MARCHF1: variants seen among roughly 807,000 people sequenced by gnomAD.
MARCHF1 encodes the protein E3 ubiquitin-protein ligase MARCHF1.
MARCHF1 carries 40 observed loss-of-function variants against 54.2 expected under a neutral mutation model. The observed-to-expected ratio is 0.74, with a 90% CI of 0.57 to 0.96. The LOEUF (loss-of-function observed/expected upper bound fraction) is 0.96. Among genes scored for constraint, MARCHF1 ranks in the 40% least tolerant of loss-of-function variants. The pLI, the probability that MARCHF1 is intolerant of heterozygous loss-of-function variation, is 0.00. For missense variants in MARCHF1, 586 were observed against 656.5 expected, an observed-to-expected ratio of 0.89 and a Z score of 1.17; for synonymous variants, 236 against 236.3, an observed-to-expected ratio of 1.00 and a Z score of 0.01.
At chr4:164,365,761 G>A (rs564260510) in intron 1 of MARCHF1, among the ~76,000 whole-genome samples, 2 of 152,046 alleles carry the variant, frequency 1.3e-5, no homozygotes, top group African/African-American at 4.8e-5. Context: ...GATTTCAGTT[G>A]GTGCATCAAA....
chr4:164,220,771 A>AT (rs34796186), intron 1 of MARCHF1, among the ~76,000 whole-genome samples: 3 of 145,152 alleles, frequency 2.1e-5, no homozygotes, highest in Admixed American at 7.0e-5. Context: ...TATATGATAT[A>AT]TTTTTTTTTG....
At chr4:163,690,768 G>A (rs1029242390) in intron 5 of MARCHF1, among the ~76,000 whole-genome samples, 3 of 152,148 alleles carry the variant, frequency 2.0e-5, no homozygotes, top group Non-Finnish European at 4.4e-5. Flanking sequence ...TAACCAAAGC[G>A]AGCTAGAATG....
intron 1 of MARCHF1, among the ~76,000 whole-genome samples, chr4:164,368,825 T>A (rs1286005217): frequency 6.6e-6 from 1 of 152,224 alleles, no homozygotes; most frequent in African/African-American, 2.4e-5. Context: ...ATATTAGAAG[T>A]TGTTTACTTT....
At chr4:163,905,575 A>G (rs1035948909) in intron 3 of MARCHF1, among the ~76,000 whole-genome samples, 1 of 152,114 alleles carries the variant, frequency 6.6e-6, no homozygotes, top group Non-Finnish European at 1.5e-5. Flanking sequence ...AGAGCAGGGG[A>G]AGGGATAGTT....
intron 5 of MARCHF1, among the ~76,000 whole-genome samples, chr4:163,648,474 G>C (rs886156271): frequency 2.6e-5 from 4 of 151,834 alleles, no homozygotes; most frequent in Admixed American, 2.6e-4. Context: ...GAATAAATTT[G>C]ATGCATAAAA....
intron 1 of MARCHF1, among the ~76,000 whole-genome samples, chr4:164,185,807 CACAAAAAAA>C (rs990382677): frequency 2.5e-4 from 11 of 43,208 alleles, no homozygotes; most frequent in Admixed American, 1.9e-3. Context: ...CACACACACA[CACAAAAAAA>C]AAAACATTTC....
chr4:163,706,275 C>A (rs901972369), intron 4 of MARCHF1, among the ~76,000 whole-genome samples: 24 of 152,026 alleles, frequency 1.6e-4, no homozygotes, highest in African/African-American at 4.8e-4. Context: ...GGCCACAAAT[C>A]AAAGATGGTA....
intron 2 of MARCHF1, among the ~76,000 whole-genome samples, chr4:163,994,796 A>C (rs1473504633): frequency 3.3e-4 from 4 of 12,234 alleles, no homozygotes; most frequent in African/African-American, 3.5e-4. Flanking sequence ...CACACACACA[A>C]AACAAATGCA....
chr4:163,783,706 T>C (rs1351018124), intron 4 of MARCHF1, among the ~76,000 whole-genome samples: 3 of 152,244 alleles, frequency 2.0e-5, no homozygotes, highest in Non-Finnish European at 4.4e-5. Flanking sequence ...GTGTTTGAGG[T>C]ACAGGAGCAA....
chr4:164,283,190 C>T (rs1425527566), intron 1 of MARCHF1, among the ~76,000 whole-genome samples: 1 of 151,022 alleles, frequency 6.6e-6, no homozygotes, highest in Non-Finnish European at 1.5e-5. Context: ...AGAGGAAAAT[C>T]GCTTAACCTC....
At chr4:164,273,333 A>G (rs756352929) in intron 1 of MARCHF1, among the ~76,000 whole-genome samples, 3 of 152,166 alleles carry the variant, frequency 2.0e-5, no homozygotes, top group Non-Finnish European at 4.4e-5. Context: ...ACTCACTATC[A>G]CAAGAAGAGC....
intron 1 of MARCHF1, among the ~76,000 whole-genome samples, chr4:164,168,887 C>A (rs1730450984): frequency 6.6e-6 from 1 of 151,942 alleles, no homozygotes; most frequent in African/African-American, 2.4e-5. Flanking sequence ...GTACAAAGAA[C>A]TTAAATACAA....
chr4:164,301,256 G>T (rs1007259631), intron 1 of MARCHF1, among the ~76,000 whole-genome samples: 1 of 152,146 alleles, frequency 6.6e-6, no homozygotes, highest in African/African-American at 2.4e-5. Flanking sequence ...TATGGCAATG[G>T]CTAAGTAGAA....
intron 9 of MARCHF1, among the ~76,000 whole-genome samples, chr4:163,531,919 GA>G (rs1445293475): frequency 6.6e-6 from 1 of 151,794 alleles, no homozygotes; most frequent in African/African-American, 2.4e-5. Context: ...GAAAAACTAT[GA>G]AGCTATGATG....
chr4:163,618,355 C>A (rs536460902), intron 5 of MARCHF1, among the ~76,000 whole-genome samples: 4 of 152,196 alleles, frequency 2.6e-5, no homozygotes, highest in South Asian at 4.2e-4. Context: ...TAAGTTAATA[C>A]GCCCGAGGAC....
At chr4:164,052,413 T>C (rs1299018383) in intron 2 of MARCHF1, among the ~76,000 whole-genome samples, 2 of 151,956 alleles carry the variant, frequency 1.3e-5, no homozygotes, top group East Asian at 3.9e-4. Context: ...GTGCCTGTAA[T>C]CCCACCTACT....
At chr4:163,963,860 T>C (rs1049237162) in intron 3 of MARCHF1, among the ~76,000 whole-genome samples, 1 of 151,922 alleles carries the variant, frequency 6.6e-6, no homozygotes, top group Admixed American at 6.6e-5. Flanking sequence ...GAAACAGTCA[T>C]GGACATCCAG....
chr4:163,902,475 C>G (rs143832312), intron 3 of MARCHF1, among the ~76,000 whole-genome samples: 259 of 152,152 alleles, frequency 1.7e-3, no homozygotes, highest in African/African-American at 5.9e-3. Flanking sequence ...GATGTTGGCC[C>G]CTTTTTTAAT....
chr4:164,312,920 G>A (rs9790473), intron 1 of MARCHF1, among the ~76,000 whole-genome samples: 21,910 of 152,046 alleles, frequency 0.14, 2,398 homozygotes, highest in East Asian at 0.42. Context: ...CATTAGAACA[G>A]TAAAGCAACT....
Sources: allele counts gnomAD v4.1 joint callset (sites outside exome capture counted in the v4.1 genomes callset), GRCh38; gene constraint gnomAD v4.1.1; transcripts MANE v1.5; gene names NCBI Gene and HGNC (gene_info 2026-07-23, HGNC 2026-07-21).